GARNL3: variants seen among roughly 807,000 people sequenced by gnomAD.
GARNL3 encodes the protein GTPase activating Rap/RanGAP domain like 3, also known as GTPase-activating Rap/Ran-GAP domain-like protein 3.
GARNL3 carries 63 observed loss-of-function variants against 125.0 expected under a neutral mutation model. The observed-to-expected ratio is 0.50, with a 90% CI of 0.41 to 0.62. The LOEUF (loss-of-function observed/expected upper bound fraction) is 0.62, where lower values mean the gene tolerates loss of function less well. Among genes scored for constraint, GARNL3 ranks in the 20% least tolerant of loss-of-function variants. The pLI, the probability that GARNL3 is intolerant of heterozygous loss-of-function variation, is 0.00. For synonymous variants in GARNL3, 439 were observed against 457.5 expected (o/e 0.96, Z 0.52); for missense variants, 994 against 1,244.0 (o/e 0.80, Z 3.02).
At position 127,228,287 on chromosome 9, in the gene GARNL3, T is replaced by G. The variant is rs2062947609; in HGVS notation, c.-29+3949T>G. On this transcript the variant is annotated intron_variant, in intron 1 of 10. Transcript: ENST00000439286. ...TTGTTTAGCTATGAAGAGGTCAACT[T>G]TTATAAACAGGTCATCATAAATTTA... Among the ~76,000 whole-genome samples, 3 of 152,350 alleles carry G rather than the reference T, an allele frequency of 2.0e-5. No homozygotes were observed. In the South Asian group the frequency reaches 6.2e-4, roughly 32 times the overall value.
At chr9:127,244,464 G>C (rs1280972769) in intron 2 of GARNL3, among the ~76,000 whole-genome samples, 1 of 152,016 alleles carries the variant, frequency 6.6e-6, no homozygotes, top group Non-Finnish European at 1.5e-5. Context: ...AATTACCCAG[G>C]GTAGCTTTAA....
chr9:127,312,885 T>TTA (rs1258459811), intron 3 of GARNL3, among the ~76,000 whole-genome samples: 4 of 152,054 alleles, frequency 2.6e-5, no homozygotes, highest in African/African-American at 9.7e-5. Context: ...GCGCCATGAG[T>TTA]TTGGATGCCT....
Position 127,327,318 on chromosome 9 carries a change from A to G in GARNL3, c.594+2223A>G, listed in dbSNP as rs1441965251. 2.0e-5 allele frequency among the ~76,000 whole-genome samples: 3 copies of G among 152,348 alleles called. No homozygotes were observed. In the East Asian group the frequency reaches 5.8e-4, roughly 29 times the overall value. On this transcript the variant is annotated intron_variant, in intron 7 of 27. Transcript: ENST00000373387. Reference sequence around the variant, plus strand: ...AAACAAACAGAAACATGGTAAGACCAGTAACCCCAAGAGCTGTGAAGAAAG... The same window carrying G: ...AAACAAACAGAAACATGGTAAGACCGGTAACCCCAAGAGCTGTGAAGAAAG...
At chr9:127,234,535 A>C (rs1026411482) in intron 1 of GARNL3, among the ~76,000 whole-genome samples, 2 of 152,226 alleles carry the variant, frequency 1.3e-5, no homozygotes, top group African/African-American at 4.8e-5. Flanking sequence ...TAGAGCTAGG[A>C]TCTTAGAGGA....
Position 127,342,259 on chromosome 9 carries a change from T to C in GARNL3, c.1176T>C (p.Phe392=). The change falls in exon 14 of 28, where the codon TTT becomes TTC. Residue 392 remains phenylalanine (F), a synonymous_variant. Coordinates refer to ENST00000373387, the MANE Select transcript of GARNL3 (RefSeq NM_032293.5). ...AAGCCACTTTGGAAACCCCAACATTTGCCCAGAAACGTCGGCGTACCCTGG... is the reference window on the plus strand; with the variant it reads ...AAGCCACTTTGGAAACCCCAACATTCGCCCAGAAACGTCGGCGTACCCTGG... The part of the protein sequence containing the change: ...GEKATLETPT[F]AQKRRRTLDM... 6.2e-7 allele frequency: 1 copy of C among 1,614,070 alleles called. No homozygotes were observed. The highest frequency in any genetic ancestry group is 1.3e-5 in the African/African-American group (1 of 75,042).
upstream of GARNL3, chr9:127,264,158 A>G (rs781074261): frequency 3.5e-5 from 18 of 510,262 alleles, no homozygotes; most frequent in Non-Finnish European, 6.0e-5. Context: ...TGTGGATCTC[A>G]TGTGGTTTCA....
intron 1 of GARNL3, among the ~76,000 whole-genome samples, chr9:127,235,891 T>C (rs2063104259): frequency 6.6e-6 from 1 of 152,204 alleles, no homozygotes; most frequent in Admixed American, 6.5e-5. Context: ...GTGGAGGGAA[T>C]GTGAGTTGAA....
intron 2 of GARNL3, among the ~76,000 whole-genome samples, chr9:127,249,768 G>A (rs1004216985): frequency 1.3e-5 from 2 of 152,102 alleles, no homozygotes; most frequent in African/African-American, 4.8e-5. Context: ...AGCACTTTGC[G>A]AGGCCGAGGC....
Position 127,332,313 on chromosome 9 carries a change from GA to G in GARNL3, c.635del (p.Asp212ValfsTer23). ...CAAGTTTGGGGTTCTTTTTGCCAAA[GA>G]TGGGCAGCTCACTGATGATGAGATG... ...NFKFGVLFAKDGQLTDDEMFS... is the reference protein window; with the variant it reads ...NFKFGVLFAKXGQLTDDEMFS... On this transcript the variant is annotated frameshift_variant, in exon 8 of 28. Coordinates refer to ENST00000373387, the MANE Select transcript of GARNL3 (RefSeq NM_032293.5). LOFTEE classifies it high-confidence loss of function. 6.2e-7 allele frequency: 1 copy of G among 1,613,956 alleles called. No individual in the cohort carries two copies. The highest frequency in any genetic ancestry group is 8.5e-7 in the Non-Finnish European group (1 of 1,179,862).
At chr9:127,304,259 T>G (rs946844312) in intron 2 of GARNL3, among the ~76,000 whole-genome samples, 1 of 152,216 alleles carries the variant, frequency 6.6e-6, no homozygotes, top group Non-Finnish European at 1.5e-5. Context: ...TATTGTAGGT[T>G]AAAACCACAA....
At chr9:127,315,262 A>G (rs2065209265) in intron 4 of GARNL3, among the ~76,000 whole-genome samples, 1 of 152,198 alleles carries the variant, frequency 6.6e-6, no homozygotes, top group Non-Finnish European at 1.5e-5. Context: ...GCTAGAGGCT[A>G]TGGGAAGTCC....
chr9:127,224,715 G>T (rs2062865983), intron 1 of GARNL3: 1 of 152,644 alleles, frequency 6.6e-6, no homozygotes, highest in Non-Finnish European at 1.5e-5. Flanking sequence ...CCTTGCGCGA[G>T]CTCAGTAGTG....
chr9:127,232,391 C>T (rs1354614718), intron 1 of GARNL3, among the ~76,000 whole-genome samples: 1 of 152,228 alleles, frequency 6.6e-6, no homozygotes, highest in Non-Finnish European at 1.5e-5. Flanking sequence ...CCACTGCAGC[C>T]TTGAACTCCT....
At chr9:127,298,096 G>A (rs1485618397) in intron 2 of GARNL3, among the ~76,000 whole-genome samples, 6 of 152,172 alleles carry the variant, frequency 3.9e-5, no homozygotes, top group African/African-American at 1.4e-4. Context: ...TCAAAACAGC[G>A]ATGAAAATAA....
chr9:127,229,562 C>T (rs1428407495), intron 1 of GARNL3, among the ~76,000 whole-genome samples: 1 of 152,200 alleles, frequency 6.6e-6, no homozygotes, highest in African/African-American at 2.4e-5. Flanking sequence ...GTGGCATAAT[C>T]ATAGCTCACT....
rs1167236709 is a variant in GARNL3 at position 127,332,361 on chromosome 9, C to T, written c.670+12C>T. 1 of 1,609,628 alleles carries T rather than the reference C, an allele frequency of 6.2e-7. No individual in the cohort carries two copies. Among genetic ancestry groups the T allele is most frequent in the Non-Finnish European group, 8.5e-7 (1 of 1,176,156 alleles). On this transcript the variant is annotated intron_variant, in intron 8 of 27. Coordinates refer to ENST00000373387, the MANE Select transcript of GARNL3 (RefSeq NM_032293.5). ...GATGTTCAGCAATGGTGAGTGATCT[C>T]CTCCCGCTCTCTGCTGCCAGAGACC...
intron 2 of GARNL3, among the ~76,000 whole-genome samples, chr9:127,298,806 G>A (rs1321621981): frequency 1.3e-5 from 2 of 152,056 alleles, no homozygotes. Flanking sequence ...CTCCAGAGTC[G>A]ACTTGCTAAC....
At chr9:127,279,643 C>A (rs2064052464) in intron 1 of GARNL3, among the ~76,000 whole-genome samples, 1 of 152,200 alleles carries the variant, frequency 6.6e-6, no homozygotes, top group African/African-American at 2.4e-5. Context: ...CTGAGGACAG[C>A]AATGGCTATT....
intron 7 of GARNL3, among the ~76,000 whole-genome samples, chr9:127,331,720 C>CTTGCTTTTTT (rs367597623): frequency 4.3e-4 from 32 of 74,396 alleles, no homozygotes; most frequent in African/African-American, 1.5e-3. Flanking sequence ...CTTGGGCTTG[C>CTTGCTTTTTT]TTTTTTTTTT....
Sources: allele counts gnomAD v4.1 joint callset (sites outside exome capture counted in the v4.1 genomes callset), GRCh38; gene constraint gnomAD v4.1.1; transcripts MANE v1.5; gene names NCBI Gene and HGNC (gene_info 2026-07-23, HGNC 2026-07-21).